PDE11A: variants seen among roughly 807,000 people sequenced by gnomAD.
The protein encoded by PDE11A is phosphodiesterase 11A.
PDE11A carries 100 observed loss-of-function variants against 100.5 expected under a neutral mutation model. That is an observed-to-expected ratio of 1.00 (90% confidence interval 0.85 to 1.18). The LOEUF is 1.18. Ranked by LOEUF, PDE11A falls within the 50% of genes most tolerant of loss-of-function variation. The pLI is 0.00. For synonymous variants in PDE11A, 381 were observed against 420.8 expected, an observed-to-expected ratio of 0.91 and a Z score of 1.16; for missense variants, 1,141 against 1,152.6, an observed-to-expected ratio of 0.99 and a Z score of 0.15.
chr2:177,629,218 C>T lies in PDE11A; in HGVS notation c.*189G>A, dbSNP rs2079879209. 1 of 647,456 alleles carries T rather than the reference C, an allele frequency of 1.5e-6. No individual in the cohort carries two copies. The highest frequency in any genetic ancestry group is 2.8e-6 in the Non-Finnish European group (1 of 359,248). The allele number at this position is 647,456 out of a possible 1,614,324, so 40.1% of individuals were successfully genotyped here. On this transcript the variant is annotated 3_prime_UTR_variant, in exon 20 of 20. Coordinates refer to ENST00000286063, the MANE Select transcript of PDE11A (RefSeq NM_016953.4). Reference sequence around the variant, plus strand: ...CTGGGGTGTGCTCCCTGCCCCACCTCTTTCTTTGTCCTTCCCGTTGCTCTC... The same window carrying T: ...CTGGGGTGTGCTCCCTGCCCCACCTTTTTCTTTGTCCTTCCCGTTGCTCTC...
At chr2:177,900,401 T>A (rs1197022020) in intron 3 of PDE11A, among the ~76,000 whole-genome samples, 1 of 152,260 alleles carries the variant, frequency 6.6e-6, no homozygotes, top group Non-Finnish European at 1.5e-5. Context: ...ATAATGAATT[T>A]GATTTGTCCT....
At chr2:177,864,019 C>T (rs184253448) in intron 5 of PDE11A, among the ~76,000 whole-genome samples, 59 of 151,912 alleles carry the variant, frequency 3.9e-4, no homozygotes, top group African/African-American at 1.4e-3. Flanking sequence ...TTATTCATTC[C>T]TAAAAAAGAA....
chr2:178,038,669 T>A (rs1318638250), intron 1 of PDE11A, among the ~76,000 whole-genome samples: 1 of 152,064 alleles, frequency 6.6e-6, no homozygotes, highest in Non-Finnish European at 1.5e-5. Flanking sequence ...CCCAGAACAT[T>A]TGCATGGTCT....
chr2:177,962,056 C>CAA (rs34148492), intron 2 of PDE11A, among the ~76,000 whole-genome samples: 852 of 66,348 alleles, frequency 0.013, 38 homozygotes, highest in African/African-American at 0.039. Context: ...GACACTGTCT[C>CAA]AAAAAAAAAA....
intron 6 of PDE11A, among the ~76,000 whole-genome samples, chr2:177,835,022 C>T (rs180671509): frequency 6.9e-4 from 105 of 152,110 alleles, no homozygotes; most frequent in African/African-American, 2.4e-3. Context: ...GTCTAAGGAA[C>T]GCAAAGGTTA....
intron 5 of PDE11A, among the ~76,000 whole-genome samples, chr2:177,864,019 C>G (rs184253448): frequency 2.0e-5 from 3 of 151,794 alleles, no homozygotes; most frequent in Non-Finnish European, 4.4e-5. Flanking sequence ...TTATTCATTC[C>G]TAAAAAAGAA....
chr2:178,020,816 A>C (rs992805844), intron 1 of PDE11A, among the ~76,000 whole-genome samples: 1 of 152,076 alleles, frequency 6.6e-6, no homozygotes, highest in African/African-American at 2.4e-5. Context: ...AAAGGAGAAA[A>C]TGTAATTGTA....
At chr2:177,815,704 A>G (rs13413635) in intron 9 of PDE11A, among the ~76,000 whole-genome samples, 44,423 of 152,002 alleles carry the variant, frequency 0.29, 7,290 homozygotes, top group African/African-American at 0.45. Context: ...ACATAGATAG[A>G]TAACTATAAT....
chr2:177,963,123 TTAAC>T (rs2085656307), intron 2 of PDE11A, among the ~76,000 whole-genome samples: 1 of 152,188 alleles, frequency 6.6e-6, no homozygotes, highest in South Asian at 2.1e-4. Context: ...TCTATGTCCT[TTAAC>T]TATTTCAAAC....
intron 18 of PDE11A, among the ~76,000 whole-genome samples, chr2:177,665,207 C>T (rs112330539): frequency 3.3e-3 from 495 of 151,220 alleles, no homozygotes; most frequent in African/African-American, 0.011. Flanking sequence ...TGCGGTGGCT[C>T]ATGCATGTAA....
chr2:177,647,920 G>A lies in PDE11A; in HGVS notation c.2646+15946C>T, dbSNP rs187359208. Among the ~76,000 whole-genome samples the A allele has an allele frequency of 9.7e-4, 148 of 152,140 alleles. No homozygotes were observed. The Middle Eastern group carries it at 0.01, about 10-fold the overall frequency. The stretch of plus-strand genomic sequence containing the variant: ...GAGACCAGGAGTTCGAGACCAGCCT[G>A]GACAACACATTGAAACCCTGTCTCT... On this transcript the variant is annotated intron_variant, in intron 19 of 19. Coordinates refer to ENST00000286063, the MANE Select transcript of PDE11A (RefSeq NM_016953.4).
intron 16 of PDE11A, among the ~76,000 whole-genome samples, chr2:177,680,163 G>A (rs2080840116): frequency 6.6e-6 from 1 of 152,034 alleles, no homozygotes; most frequent in Admixed American, 6.6e-5. Flanking sequence ...CTGGCCTCAC[G>A]AGCTCTCCCA....
chr2:177,946,008 G>A (rs1466749964), intron 2 of PDE11A, among the ~76,000 whole-genome samples: 2 of 149,374 alleles, frequency 1.3e-5, no homozygotes, highest in African/African-American at 5.0e-5. Context: ...GAGATGGGGG[G>A]TCAGCCCCCC....
chr2:177,922,133 C>G (rs2085059106), intron 2 of PDE11A, among the ~76,000 whole-genome samples: 1 of 152,168 alleles, frequency 6.6e-6, no homozygotes, highest in Non-Finnish European at 1.5e-5. Flanking sequence ...TCACTCTCCT[C>G]TCTTTCTAAA....
rs771494989 is a variant in PDE11A at position 177,629,515 on chromosome 2, T to C, written c.2694A>G (p.Val898=). Residue 898 remains valine, a synonymous_variant, in exon 20 of 20, where the codon GTA becomes GTG. Coordinates refer to ENST00000286063, the MANE Select transcript of PDE11A (RefSeq NM_016953.4). ...NVKLKPMLDS[V]ATNRSKWEEL... ...CTTCCCACTTACTTCTGTTTGTAGC[T>C]ACTGAATCTAGCATCGGCTTCAGTT... 1.8e-5 allele frequency: 29 copies of C among 1,613,718 alleles called. No individual in the cohort carries two copies. Among genetic ancestry groups the C allele is most frequent in the Admixed American group, 1.0e-4 (6 of 60,000 alleles).
At chr2:177,665,485 A>AC (rs2080558865) in intron 18 of PDE11A, among the ~76,000 whole-genome samples, 1 of 46,262 alleles carries the variant, frequency 2.2e-5, no homozygotes, top group Admixed American at 3.1e-4. Flanking sequence ...GTCTCAAAAA[A>AC]AAAATAATAA....
intron 10 of PDE11A, among the ~76,000 whole-genome samples, chr2:177,733,485 A>C (rs1466517924): frequency 6.6e-6 from 1 of 152,234 alleles, no homozygotes; most frequent in Admixed American, 6.5e-5. Flanking sequence ...TTGAAAAGGT[A>C]GCTTTACAAA....
intron 10 of PDE11A, among the ~76,000 whole-genome samples, chr2:177,750,646 G>T (rs1384822458): frequency 6.6e-6 from 1 of 152,186 alleles, no homozygotes; most frequent in Non-Finnish European, 1.5e-5. Context: ...CTTTGTAAAA[G>T]GTGTGGTCAA....
intron 4 of PDE11A, among the ~76,000 whole-genome samples, chr2:177,891,471 G>A (rs986514076): frequency 6.6e-6 from 1 of 152,162 alleles, no homozygotes; most frequent in Non-Finnish European, 1.5e-5. Context: ...GTTTGAAAGT[G>A]CTTATTCTCA....
Sources: allele counts gnomAD v4.1 joint callset (sites outside exome capture counted in the v4.1 genomes callset), GRCh38; gene constraint gnomAD v4.1.1; transcripts MANE v1.5; gene names NCBI Gene and HGNC (gene_info 2026-07-23, HGNC 2026-07-21).